The following PSMC6 variants were observed in gnomAD, a reference collection of about 807,000 sequenced individuals.
The protein encoded by PSMC6 is 26S proteasome regulatory subunit 10B.
In PSMC6, 3 loss-of-function variants were observed where a neutral mutation model predicts 55.9. The ratio of observed to expected loss-of-function variants is 0.05; its 90% CI spans 0.02 to 0.14. The LOEUF is 0.14. PSMC6 is among the 10% of genes least tolerant of loss of function. The pLI is 1.00. For missense variants in PSMC6, 210 were observed against 478.7 expected, an observed-to-expected ratio of 0.44 and a Z score of 5.24; for synonymous variants, 137 against 155.9, an observed-to-expected ratio of 0.88 and a Z score of 0.90.
At chr14:52,712,782 A>C (rs1184352517) in intron 6 of PSMC6, among the ~76,000 whole-genome samples, 1 of 151,950 alleles carries the variant, frequency 6.6e-6, no homozygotes, top group Non-Finnish European at 1.5e-5. Context: ...ACATGTGACT[A>C]ATTTTTTTAT....
chr14:52,712,149 G>A (rs1380127681), intron 6 of PSMC6, among the ~76,000 whole-genome samples: 6 of 152,032 alleles, frequency 3.9e-5, no homozygotes, highest in Non-Finnish European at 8.8e-5. Context: ...GGAATTAATG[G>A]GAATAATTGG....
intron 5 of PSMC6, 82 bp downstream of exon 5, chr14:52,711,250 C>G: frequency 7.1e-7 from 1 of 1,402,866 alleles, no homozygotes; most frequent in Non-Finnish European, 1.0e-6. Context: ...CTTGAGATCA[C>G]TGAATATTTT....
intron 6 of PSMC6, among the ~76,000 whole-genome samples, chr14:52,712,443 G>A (rs896557840): frequency 6.6e-6 from 1 of 151,240 alleles, no homozygotes; most frequent in African/African-American, 2.4e-5. Context: ...AAGAACAGGT[G>A]CTTCATAAAA....
At chr14:52,713,069 A>T (rs2041792209) in intron 6 of PSMC6, among the ~76,000 whole-genome samples, 1 of 152,102 alleles carries the variant, frequency 6.6e-6, no homozygotes. Flanking sequence ...CATCTCTTCT[A>T]AAAGTACAAA....
chr14:52,719,355 T>A (rs1453649579), intron 10 of PSMC6, among the ~76,000 whole-genome samples: 1 of 152,218 alleles, frequency 6.6e-6, no homozygotes, highest in Non-Finnish European at 1.5e-5. Flanking sequence ...TTTGTAATGG[T>A]CATATTAAGA....
chr14:52,711,753 T>G (rs1301942075), intron 6 of PSMC6, among the ~76,000 whole-genome samples: 1 of 152,222 alleles, frequency 6.6e-6, no homozygotes, highest in East Asian at 1.9e-4. Flanking sequence ...CTGCTCTTTT[T>G]GTGGCAAAGG....
Position 52,721,156 on chromosome 14 carries a change from C to T in PSMC6, c.945C>T (p.Ile315=). 1.3e-6 allele frequency: 2 copies of T among 1,597,166 alleles called. No individual in the cohort carries two copies. Among genetic ancestry groups the T allele is most frequent in the Non-Finnish European group, 1.7e-6 (2 of 1,174,268 alleles). The change falls in exon 12 of 14, where the codon ATC becomes ATT. Residue 315 remains isoleucine (I), a synonymous_variant. Transcript: ENST00000445930. ...AAGCAAGATTAGACATACTGAAAAT[C>T]CATGCAGGTCCCATTACAAAGCATG... is the stretch of plus-strand genomic sequence containing the variant. The part of the protein sequence containing the change: ...NEQARLDILK[I]HAGPITKHGE...
Position 52,718,162 on chromosome 14 carries a change from G to C in PSMC6, c.591+20G>C. ...TTAAAGGTAAAGGGAAGATTATTTT[G>C]TACTTATTGAAATTTAATTTTACTT... is the stretch of plus-strand genomic sequence containing the variant. On this transcript the variant is annotated intron_variant, in intron 8 of 13. Transcript: ENST00000445930. The C allele has an allele frequency of 1.2e-6, 2 of 1,611,706 alleles. No individual in the cohort carries two copies. The highest frequency in any genetic ancestry group is 2.2e-5 in the East Asian group (1 of 44,874).
chr14:52,718,893 A>G (rs1218380802), intron 9 of PSMC6, 84 bp from the exon 10 acceptor site: 2 of 1,053,356 alleles, frequency 1.9e-6, no homozygotes, highest in South Asian at 2.8e-5. Context: ...GTTTTAAGCC[A>G]CAGACTGTTA....
At chr14:52,713,541 T>C (rs1018391483) in intron 6 of PSMC6, among the ~76,000 whole-genome samples, 1 of 152,214 alleles carries the variant, frequency 6.6e-6, no homozygotes, top group Non-Finnish European at 1.5e-5. Flanking sequence ...TTTTTTGTGG[T>C]ATAATTTTTC....
At chr14:52,710,110 G>A (rs1212582959) in intron 4 of PSMC6, 1 of 152,926 alleles carries the variant, frequency 6.5e-6, no homozygotes, top group African/African-American at 2.4e-5. Context: ...AAATTGTATT[G>A]GCACGCAGTT....
At chr14:52,722,556 A>G (rs73296895) in intron 12 of PSMC6, 5,288 of 152,202 alleles carry the variant, frequency 0.035, 315 homozygotes, top group African/African-American at 0.12. Flanking sequence ...AACTTGTGGA[A>G]GTGTTTTTTT....
chr14:52,707,449 C>A (rs1036979825), intron 1 of PSMC6, 145 bp downstream of exon 1: 12 of 1,129,888 alleles, frequency 1.1e-5, no homozygotes, highest in African/African-American at 7.8e-5. Context: ...GTCATCCGGC[C>A]CTGAGCTTGT....
chr14:52,707,847 T>C (rs2041720699), intron 1 of PSMC6, among the ~76,000 whole-genome samples: 1 of 152,226 alleles, frequency 6.6e-6, no homozygotes, highest in African/African-American at 2.4e-5. Flanking sequence ...CCAGTGCATT[T>C]TCATTGAAAA....
intron 11 of PSMC6, 56 bp downstream of exon 11, chr14:52,721,037 C>T: frequency 6.3e-7 from 1 of 1,591,156 alleles, no homozygotes; most frequent in Non-Finnish European, 8.6e-7. Context: ...TTTCTTTTTC[C>T]ATACTTCACT....
At chr14:52,724,312 A>G (rs1282582840) in intron 13 of PSMC6, among the ~76,000 whole-genome samples, 1 of 152,152 alleles carries the variant, frequency 6.6e-6, no homozygotes, top group African/African-American at 2.4e-5. Flanking sequence ...ACCCAGCTGA[A>G]AGTTGGGAGA....
chr14:52,707,563 G>A (rs1224223991), intron 1 of PSMC6: 4 of 424,536 alleles, frequency 9.4e-6, no homozygotes, highest in Admixed American at 7.9e-5. Context: ...GAGGAGTGGG[G>A]AAGTGGGCCG....
At chr14:52,707,659 A>G (rs2041718233) in intron 1 of PSMC6, 3 of 258,990 alleles carry the variant, frequency 1.2e-5, no homozygotes, top group African/African-American at 6.8e-5. Context: ...GAGTCAAGTA[A>G]GCTCAAACAA....
At chr14:52,720,130 G>A (rs573234958) in intron 10 of PSMC6, among the ~76,000 whole-genome samples, 1 of 150,704 alleles carries the variant, frequency 6.6e-6, no homozygotes, top group South Asian at 2.1e-4. Flanking sequence ...GGCTGAGGCA[G>A]GAGAATTGCT....
Sources: allele counts gnomAD v4.1 joint callset (sites outside exome capture counted in the v4.1 genomes callset), GRCh38; gene constraint gnomAD v4.1.1; transcripts MANE v1.5; gene names NCBI Gene and HGNC (gene_info 2026-07-23, HGNC 2026-07-21).